Variants in ESRRB observed in about 807,000 individuals in gnomAD.
ESRRB encodes steroid hormone receptor ERR2.
ESRRB carries 16 observed loss-of-function variants against 46.0 expected under a neutral mutation model. The ratio of observed to expected loss-of-function variants is 0.35; its 90% CI spans 0.24 to 0.53. ESRRB has a LOEUF of 0.53. Among genes scored for constraint, ESRRB ranks in the 20% least tolerant of loss-of-function variants. ESRRB has a pLI of 0.93. For missense variants in ESRRB, 488 were observed against 607.4 expected, an observed-to-expected ratio of 0.80 and a Z score of 2.07; for synonymous variants, 246 against 259.6, an observed-to-expected ratio of 0.95 and a Z score of 0.50.
chr14:76,461,170 A>T (rs945160922), intron 2 of ESRRB, among the ~76,000 whole-genome samples: 1 of 152,178 alleles, frequency 6.6e-6, no homozygotes, highest in Non-Finnish European at 1.5e-5. Context: ...TGGACTGTCA[A>T]CCCTCCCAGG....
chr14:76,450,835 G>C (rs1173595565), intron 2 of ESRRB, among the ~76,000 whole-genome samples: 1 of 152,186 alleles, frequency 6.6e-6, no homozygotes, highest in Non-Finnish European at 1.5e-5. Context: ...CTAGCCAACT[G>C]GCTGACCTTG....
At chr14:76,314,380 T>A (rs972351666) in intron 1 of ESRRB, among the ~76,000 whole-genome samples, 3 of 152,082 alleles carry the variant, frequency 2.0e-5, no homozygotes, top group African/African-American at 7.2e-5. Context: ...TGCCTTCAAC[T>A]CCCCAGATCG....
chr14:76,439,773 C>A (rs765676575), intron 2 of ESRRB, 23 bp downstream of exon 2: 1 of 1,610,372 alleles, frequency 6.2e-7, no homozygotes. Context: ...CCTCAAGGAG[C>A]CTGGGCGCAG....
chr14:76,456,508 A>C (rs1245759562), intron 2 of ESRRB, among the ~76,000 whole-genome samples: 1 of 152,096 alleles, frequency 6.6e-6, no homozygotes, highest in Non-Finnish European at 1.5e-5. Flanking sequence ...GAAGGGAGGG[A>C]GGGAGCAGGT....
intron 1 of ESRRB, among the ~76,000 whole-genome samples, chr14:76,393,638 G>A (rs547105109): frequency 6.6e-6 from 1 of 152,248 alleles, no homozygotes; most frequent in Non-Finnish European, 1.5e-5. Flanking sequence ...TGGAGAGTGT[G>A]GCCAGGTGCC....
In ESRRB at chr14:76,499,841, G is replaced by A. The variant is rs778137531; in HGVS notation, c.*1383G>A. 1.9e-6 allele frequency: 3 copies of A among 1,607,768 alleles called. No individual in the cohort carries two copies. The highest frequency in any genetic ancestry group is 2.2e-5 in the South Asian group (2 of 90,920). On this transcript the variant is annotated 3_prime_UTR_variant, in exon 7 of 7. Transcript: ENST00000644823. ...TTTCACTAACTCAAGGGGCAGCCCTGAACACCCATTTGTGCTCACAGGTTG... is the reference window on the plus strand; with the variant it reads ...TTTCACTAACTCAAGGGGCAGCCCTAAACACCCATTTGTGCTCACAGGTTG...
rs1313180806 is a variant in ESRRB, at chr14:76,498,454, T to C, written c.1361T>C (p.Val454Ala). 6.2e-7 allele frequency: 1 copy of C among 1,613,134 alleles called. No homozygotes were observed. Among genetic ancestry groups the C allele is most frequent in the Non-Finnish European group, 8.5e-7 (1 of 1,179,950 alleles). Residue 454 changes from valine (V) to alanine (A), a missense_variant, in exon 7 of 7, where the codon GTG becomes GCG. Physicochemically the swap from Val to Ala is moderately conservative, Grantham distance 64 (BLOSUM62 0). Transcript: ENST00000644823. ...TTCCTGGAGATGCTGGAGGCCAAGG[T>C]GTGATGGCCCCGCACACGGACCAAT... ...KLFLEMLEAK[V>A]
chr14:76,332,781 A>AT (rs1336441628), intron 1 of ESRRB, among the ~76,000 whole-genome samples: 739 of 10,228 alleles, frequency 0.072, 25 homozygotes, highest in Middle Eastern at 0.12. Flanking sequence ...TATATTATAT[A>AT]TTATATATAA....
intron 1 of ESRRB, among the ~76,000 whole-genome samples, chr14:76,346,834 T>C (rs967631705): frequency 1.3e-5 from 2 of 152,206 alleles, no homozygotes; most frequent in African/African-American, 2.4e-5. Flanking sequence ...TGTTCTTTCA[T>C]TTTGCCACGC....
At chr14:76,420,602 TGA>T (rs138566813) in intron 1 of ESRRB, among the ~76,000 whole-genome samples, 514 of 147,314 alleles carry the variant, frequency 3.5e-3, no homozygotes, top group African/African-American at 0.011. Flanking sequence ...TGTTTGTGTA[TGA>T]GAGAGAGAGA....
At chr14:76,381,361 C>T (rs1009396742) in intron 1 of ESRRB, among the ~76,000 whole-genome samples, 2 of 152,120 alleles carry the variant, frequency 1.3e-5, no homozygotes, top group Non-Finnish European at 2.9e-5. Context: ...ACTGGTGAGG[C>T]TGCTGACCTT....
intron 1 of ESRRB, among the ~76,000 whole-genome samples, chr14:76,335,934 C>T (rs1468473754): frequency 6.6e-6 from 1 of 152,180 alleles, no homozygotes; most frequent in African/African-American, 2.4e-5. Flanking sequence ...AGAATAGCTT[C>T]TATTATTCAA....
At chr14:76,385,405 T>C (rs17104397) in intron 1 of ESRRB, among the ~76,000 whole-genome samples, 20,101 of 152,034 alleles carry the variant, frequency 0.13, 2,003 homozygotes, top group African/African-American at 0.27. Context: ...GGACCCTGAG[T>C]AAAAAATTAA....
intron 3 of ESRRB, among the ~76,000 whole-genome samples, chr14:76,468,584 C>T (rs1170996544): frequency 6.6e-6 from 1 of 152,130 alleles, no homozygotes; most frequent in East Asian, 1.9e-4. Flanking sequence ...TCCCTGCAGG[C>T]TTTTGGATAA....
intron 3 of ESRRB, among the ~76,000 whole-genome samples, chr14:76,464,612 C>T (rs565703496): frequency 6.6e-6 from 1 of 152,186 alleles, no homozygotes; most frequent in African/African-American, 2.4e-5. Flanking sequence ...GACAGGCCAG[C>T]TGCTTCGTTA....
Position 76,439,338 on chromosome 14 carries a change from C to T in ESRRB, c.51-3C>T. 6.2e-7 allele frequency: 1 copy of T among 1,613,710 alleles called. No individual in the cohort carries two copies. The highest frequency in any genetic ancestry group is 8.5e-7 in the Non-Finnish European group (1 of 1,180,042). On this transcript the variant is annotated splice_polypyrimidine_tract_variant and splice_region_variant and intron_variant, in intron 1 of 6. Transcript: ENST00000644823. ...GGGCTGACTTCCCGATTTGTGTCCA[C>T]AGGCTGCTGAACAGGATGTCCTCGG...
rs116428039 is a variant in ESRRB, at chr14:76,313,550, G to A, written c.2+2634G>A. Among the ~76,000 whole-genome samples the A allele has an allele frequency of 2.5e-3, 379 of 152,260 alleles. 1 individual carries two copies. The highest frequency in any genetic ancestry group is 8.7e-3 in the African/African-American group (361 of 41,566). ...TGGGGACAGTGGGGGCAATGAGCAG[G>A]TGCTTTGGAATGCAGCAGGCTCAGG... On this transcript the variant is annotated intron_variant, in intron 1 of 6. Transcript: ENST00000512784.
intron 1 of ESRRB, 97 bp from the exon 2 acceptor site, chr14:76,439,244 C>A: frequency 1.5e-6 from 2 of 1,363,324 alleles, no homozygotes; most frequent in Non-Finnish European, 2.1e-6. Flanking sequence ...AAAGCCTTAG[C>A]ATAGAGCCCT....
intron 3 of ESRRB, among the ~76,000 whole-genome samples, chr14:76,479,217 TTG>T (rs146974231): frequency 1.7e-4 from 24 of 144,612 alleles, no homozygotes; most frequent in Admixed American, 2.8e-4. Flanking sequence ...CACTGTCTGT[TTG>T]TGTGTGTGTG....
Sources: gnomAD v4.1 joint callset for allele counts (sites outside exome capture counted in the v4.1 genomes callset) on GRCh38, gnomAD v4.1.1 for gene constraint, MANE v1.5 for transcripts, NCBI Gene and HGNC (gene_info 2026-07-23, HGNC 2026-07-21) for gene names.